ZNF614: variants seen among roughly 807,000 people sequenced by gnomAD.
ZNF614 encodes the protein zinc finger protein 614.
ZNF614 carries 11 observed loss-of-function variants against 12.8 expected under a neutral mutation model. That is an observed-to-expected ratio of 0.86 (90% CI 0.54 to 1.43). The LOEUF is 1.43. Among genes scored for constraint, ZNF614 ranks in the 40% most tolerant of loss-of-function variants. The pLI is 0.00. For synonymous variants in ZNF614, 237 were observed against 237.5 expected (o/e 1.00, Z 0.02); for missense variants, 664 against 708.8 (o/e 0.94, Z 0.72).
Position 52,025,964 on chromosome 19 carries a change from G to A in ZNF614, c.-216-3C>T, listed in dbSNP as rs2086969188. ...TTCTGGGAGCCAGGACCTGAGGACTGATAAACAAAATGGCTTTCAGTGTAC... is the reference window on the plus strand; with the variant it reads ...TTCTGGGAGCCAGGACCTGAGGACTAATAAACAAAATGGCTTTCAGTGTAC... On this transcript the variant is annotated splice_polypyrimidine_tract_variant and splice_region_variant and intron_variant, in intron 1 of 4. Transcript: ENST00000270649. 3.7e-6 allele frequency: 2 copies of A among 540,956 alleles called. No homozygotes were observed. The highest frequency in any genetic ancestry group is 6.7e-5 in the Admixed American group (2 of 29,816). The allele number at this position is 540,956 out of a possible 1,614,324, so 33.5% of individuals were successfully genotyped here.
At chr19:52,028,186 G>C (rs1293632558) in intron 1 of ZNF614, 56 bp downstream of exon 1, 1 of 152,524 alleles carries the variant, frequency 6.6e-6, no homozygotes, top group Non-Finnish European at 1.5e-5. Context: ...GACGCTCCAC[G>C]CACCATCGGT....
chr19:52,018,504 C>A lies in ZNF614; in HGVS notation c.16-10G>T. The A allele has an allele frequency of 6.2e-7, 1 of 1,613,804 alleles. No individual in the cohort carries two copies. Among genetic ancestry groups the A allele is most frequent in the Non-Finnish European group, 8.5e-7 (1 of 1,179,796 alleles). On this transcript the variant is annotated splice_polypyrimidine_tract_variant and intron_variant, in intron 2 of 4. Transcript: ENST00000270649. ...CCAGGGTCAGTGATTCCTGTAATTACAAAGTCCTATTCAATATGATATAAA... is the reference window on the plus strand; with the variant it reads ...CCAGGGTCAGTGATTCCTGTAATTAAAAAGTCCTATTCAATATGATATAAA...
rs1160581169 is a variant in ZNF614 at position 52,014,970 on chromosome 19, C to G, written c.*870G>C. The G allele has an allele frequency of 2.6e-5, 4 of 152,102 alleles. No individual in the cohort carries two copies. Among genetic ancestry groups the G allele is most frequent in the Non-Finnish European group, 5.9e-5 (4 of 68,016 alleles). 9.4% of individuals were successfully genotyped at this position (152,102 alleles called of 1,614,324 possible). A position where few individuals can be genotyped will look rare whatever the true frequency, so the allele number is the denominator to read the frequency against. ...GGAGCTCTATGCCAGGAACCAGGAACAAAGACCAAATGTATTTCTCATTAT... is the reference window on the plus strand; with the variant it reads ...GGAGCTCTATGCCAGGAACCAGGAAGAAAGACCAAATGTATTTCTCATTAT... On this transcript the variant is annotated 3_prime_UTR_variant, in exon 5 of 5. Transcript: ENST00000270649.
chr19:52,015,771 T>C lies in ZNF614; in HGVS notation c.*69A>G, dbSNP rs1339222278. On this transcript the variant is annotated 3_prime_UTR_variant, in exon 5 of 5. Coordinates refer to ENST00000270649, the MANE Select transcript of ZNF614 (RefSeq NM_025040.4). ...TGGCTAGAAACACACTGATGTTTAA[T>C]GAAGTCTGAGTTGCCACAAAAGGCA... 2.1e-6 allele frequency: 3 copies of C among 1,405,824 alleles called. No homozygotes were observed. Among genetic ancestry groups the C allele is most frequent in the East Asian group, 2.3e-5 (1 of 43,746 alleles). 87.1% of individuals were successfully genotyped at this position (1,405,824 alleles called of 1,614,324 possible). A position where few individuals can be genotyped will look rare whatever the true frequency, so the allele number is the denominator to read the frequency against.
intron 2 of ZNF614, among the ~76,000 whole-genome samples, chr19:52,023,169 T>TA (rs1366052647): frequency 6.0e-5 from 8 of 132,336 alleles, no homozygotes; most frequent in East Asian, 5.1e-4. Context: ...TAATAATAAA[T>TA]AAAATTTTTT....
rs1010759592 is a variant in ZNF614, at chr19:52,015,269, G to A, written c.*571C>T. 6.6e-6 allele frequency: 1 copy of A among 152,306 alleles called. No individual in the cohort carries two copies. Among genetic ancestry groups the A allele is most frequent in the African/African-American group, 2.4e-5 (1 of 41,438 alleles). The allele number at this position is 152,306 out of a possible 1,614,324, so 9.4% of individuals were successfully genotyped here. On this transcript the variant is annotated 3_prime_UTR_variant, in exon 5 of 5. Coordinates refer to ENST00000270649, the MANE Select transcript of ZNF614 (RefSeq NM_025040.4). Reference sequence around the variant, plus strand: ...TTCGGAACAATTTTACTTTCTATGTGATCTCCTGACAAATGATGAAGCAGA... The same window carrying A: ...TTCGGAACAATTTTACTTTCTATGTAATCTCCTGACAAATGATGAAGCAGA...
Position 52,014,794 on chromosome 19 carries a change from C to T in ZNF614, c.*1046G>A, listed in dbSNP as rs190615003. Reference sequence around the variant, plus strand: ...TTACTTGATCTTCCTAGAGAACAGCCCCATTCTGAGGCTGTCTAGGGGAGC... The same window carrying T: ...TTACTTGATCTTCCTAGAGAACAGCTCCATTCTGAGGCTGTCTAGGGGAGC... On this transcript the variant is annotated 3_prime_UTR_variant, in exon 5 of 5. Transcript: ENST00000270649. 1 of 152,174 alleles carries T rather than the reference C, an allele frequency of 6.6e-6. No homozygotes were observed. The highest frequency in any genetic ancestry group is 1.9e-4 in the East Asian group (1 of 5,170). The allele number at this position is 152,174 out of a possible 1,614,324, so 9.4% of individuals were successfully genotyped here.
At position 52,013,563 on chromosome 19, in the gene ZNF614, C is replaced by T. The variant is rs1045021450; in HGVS notation, c.*2277G>A. On this transcript the variant is annotated 3_prime_UTR_variant, in exon 5 of 5. Transcript: ENST00000270649. ...AAAATGCCAAAAGCTTACATACTCT[C>T]TATCAATAAAAATTCATATAACTTA... 6.6e-6 allele frequency: 1 copy of T among 151,906 alleles called. No individual in the cohort carries two copies. Among genetic ancestry groups the T allele is most frequent in the African/African-American group, 2.4e-5 (1 of 41,398 alleles). The allele number at this position is 151,906 out of a possible 1,614,324, so 9.4% of individuals were successfully genotyped here. A position where few individuals can be genotyped will look rare whatever the true frequency, so the allele number is the denominator to read the frequency against.
chr19:52,025,391 G>A (rs1468015979), intron 2 of ZNF614, among the ~76,000 whole-genome samples: 2 of 152,000 alleles, frequency 1.3e-5, no homozygotes, highest in African/African-American at 4.8e-5. Context: ...TGCAAACATG[G>A]CTCACTGTAG....
chr19:52,023,195 G>T (rs549565863), intron 2 of ZNF614, among the ~76,000 whole-genome samples: 1 of 148,766 alleles, frequency 6.7e-6, no homozygotes, highest in African/African-American at 2.5e-5. Context: ...TTGAGATGGA[G>T]TATCGCTCTG....
At position 52,014,790 on chromosome 19, in the gene ZNF614, C is replaced by T. The variant is rs1453524394; in HGVS notation, c.*1050G>A. On this transcript the variant is annotated 3_prime_UTR_variant, in exon 5 of 5. Transcript: ENST00000270649. ...CTAGTTACTTGATCTTCCTAGAGAA[C>T]AGCCCCATTCTGAGGCTGTCTAGGG... 8 of 152,178 alleles carry T rather than the reference C, an allele frequency of 5.3e-5. No homozygotes were observed. Among genetic ancestry groups the T allele is most frequent in the Admixed American group, 5.2e-4 (8 of 15,280 alleles). 9.4% of individuals were successfully genotyped at this position (152,178 alleles called of 1,614,324 possible).
intron 4 of ZNF614, chr19:52,017,775 C>T (rs934503209): frequency 4.6e-6 from 2 of 430,236 alleles, no homozygotes; most frequent in African/African-American, 2.0e-5. Context: ...CTCTACGATC[C>T]CAGTATAAAA....
At chr19:52,025,216 A>T (rs2123128885) in intron 2 of ZNF614, among the ~76,000 whole-genome samples, 1 of 152,350 alleles carries the variant, frequency 6.6e-6, no homozygotes, top group Admixed American at 6.5e-5. Context: ...GTACATTAAA[A>T]TGACAACCAT....
intron 2 of ZNF614, among the ~76,000 whole-genome samples, chr19:52,025,436 AC>A (rs2086964835): frequency 6.6e-6 from 1 of 151,774 alleles, no homozygotes. Flanking sequence ...TTCTTCTCCC[AC>A]CTTAGCCTCC....
At chr19:52,025,382 G>A (rs2086964482) in intron 2 of ZNF614, among the ~76,000 whole-genome samples, 1 of 151,970 alleles carries the variant, frequency 6.6e-6, no homozygotes, top group Non-Finnish European at 1.5e-5. Context: ...GTGCGGTGGT[G>A]CAAACATGGC....
chr19:52,023,770 C>T (rs1285261258), intron 2 of ZNF614, among the ~76,000 whole-genome samples: 1 of 152,084 alleles, frequency 6.6e-6, no homozygotes, highest in African/African-American at 2.4e-5. Context: ...CTCTGCCCTC[C>T]AAATCTTTGG....
At chr19:52,019,296 A>T (rs901863476) in intron 2 of ZNF614, among the ~76,000 whole-genome samples, 1 of 152,212 alleles carries the variant, frequency 6.6e-6, no homozygotes, top group Non-Finnish European at 1.5e-5. Flanking sequence ...AAAAAAGATA[A>T]ATCATAACAA....
intron 2 of ZNF614, among the ~76,000 whole-genome samples, chr19:52,020,605 C>T (rs1330497839): frequency 6.6e-6 from 1 of 152,162 alleles, no homozygotes; most frequent in African/African-American, 2.4e-5. Context: ...GAAGCATTGC[C>T]CATGTAGCTG....
intron 2 of ZNF614, among the ~76,000 whole-genome samples, chr19:52,024,348 A>T (rs1034077737): frequency 5.9e-5 from 9 of 152,126 alleles, no homozygotes; most frequent in African/African-American, 2.2e-4. Context: ...GTATTGTGGG[A>T]CTGAGCCCTC....
Sources: gnomAD v4.1 joint callset for allele counts (sites outside exome capture counted in the v4.1 genomes callset) on GRCh38, gnomAD v4.1.1 for gene constraint, MANE v1.5 for transcripts, NCBI Gene and HGNC (gene_info 2026-07-23, HGNC 2026-07-21) for gene names.